The following FHIT variants were observed in gnomAD, a reference collection of about 807,000 sequenced individuals.
FHIT encodes bis(5'-adenosyl)-triphosphatase.
In FHIT, 19 loss-of-function variants were observed where a neutral mutation model predicts 17.9. The ratio of observed to expected loss-of-function variants is 1.06; its 90% CI spans 0.74 to 1.56. The LOEUF is 1.56. Ranked by LOEUF, FHIT falls within the 40% of genes most tolerant of loss-of-function variation. The probability of loss-of-function intolerance (pLI) is 0.00; values close to 1 mark genes in which losing one functional copy is unlikely to be tolerated. For synonymous variants in FHIT, 81 were observed against 69.7 expected (o/e 1.16, Z -0.81); for missense variants, 248 against 189.2 (o/e 1.31, Z -1.82).
chr3:61,144,700 A>G (rs545622601), intron 2 of FHIT, among the ~76,000 whole-genome samples: 1 of 152,246 alleles, frequency 6.6e-6, no homozygotes, highest in East Asian at 1.9e-4. Context: ...ATCCTCACCA[A>G]CGCTTGTTAT....
At chr3:60,375,753 G>T (rs574687511) in intron 5 of FHIT, among the ~76,000 whole-genome samples, 2 of 152,132 alleles carry the variant, frequency 1.3e-5, no homozygotes, top group Admixed American at 1.3e-4. Flanking sequence ...CACTGGGTCA[G>T]TGCCTGCTCA....
At chr3:60,642,735 C>T (rs1469377453) in intron 4 of FHIT, among the ~76,000 whole-genome samples, 1 of 152,092 alleles carries the variant, frequency 6.6e-6, no homozygotes, top group Non-Finnish European at 1.5e-5. Flanking sequence ...CCCACCTCCC[C>T]CGCTCCAGGG....
At chr3:59,913,703 TGTTTATGAC>T (rs1704994739) in intron 8 of FHIT, among the ~76,000 whole-genome samples, 3 of 152,206 alleles carry the variant, frequency 2.0e-5, no homozygotes, top group Admixed American at 2.0e-4. Context: ...GAACTATAGT[TGTTTATGAC>T]CACTAACCTT....
intron 5 of FHIT, among the ~76,000 whole-genome samples, chr3:60,311,528 G>A (rs944400182): frequency 6.6e-6 from 1 of 152,120 alleles, no homozygotes; most frequent in Non-Finnish European, 1.5e-5. Context: ...TATTCTGAGT[G>A]TATATTAGGC....
At chr3:61,011,273 G>A (rs1162119901) in intron 3 of FHIT, among the ~76,000 whole-genome samples, 1 of 152,130 alleles carries the variant, frequency 6.6e-6, no homozygotes, top group Non-Finnish European at 1.5e-5. Flanking sequence ...TTGTAGAAAC[G>A]TAGGTGCAAA....
intron 8 of FHIT, among the ~76,000 whole-genome samples, chr3:59,776,568 G>A (rs1397780543): frequency 8.5e-5 from 13 of 152,102 alleles, no homozygotes; most frequent in Admixed American, 7.9e-4. Flanking sequence ...GAGACTCCTC[G>A]GGGTTTGAAA....
chr3:60,347,004 ATATAT>A (rs1490052026), intron 5 of FHIT, among the ~76,000 whole-genome samples: 5 of 149,852 alleles, frequency 3.3e-5, no homozygotes, highest in South Asian at 2.2e-4. Flanking sequence ...TACATGGGAA[ATATAT>A]TATCTTATGA....
intron 4 of FHIT, among the ~76,000 whole-genome samples, chr3:60,675,110 G>C (rs782350193): frequency 2.6e-4 from 39 of 152,180 alleles, no homozygotes; most frequent in Non-Finnish European, 5.1e-4. Context: ...TTGTCTCAAG[G>C]GTCACAGCCC....
At chr3:61,205,530 G>C (rs1275367497) in intron 1 of FHIT, among the ~76,000 whole-genome samples, 3 of 152,130 alleles carry the variant, frequency 2.0e-5, no homozygotes, top group Non-Finnish European at 2.9e-5. Context: ...GGTGTGAGAT[G>C]GTATCTCATT....
intron 3 of FHIT, among the ~76,000 whole-genome samples, chr3:60,893,373 A>G (rs1164767974): frequency 2.6e-5 from 4 of 152,228 alleles, no homozygotes; most frequent in African/African-American, 9.6e-5. Context: ...TATTAAATAC[A>G]TTTGTATGCT....
At chr3:60,033,090 A>G (rs1336987626) in intron 5 of FHIT, among the ~76,000 whole-genome samples, 1 of 152,218 alleles carries the variant, frequency 6.6e-6, no homozygotes, top group Non-Finnish European at 1.5e-5. Context: ...ATAACCTAAT[A>G]TAAGGTGTGG....
chr3:60,410,918 T>G (rs1367564742), intron 5 of FHIT, among the ~76,000 whole-genome samples: 1 of 152,114 alleles, frequency 6.6e-6, no homozygotes, highest in Non-Finnish European at 1.5e-5. Context: ...GAACTTAAAG[T>G]TTTGGTCTTT....
chr3:59,954,196 C>T (rs905510537), intron 7 of FHIT, among the ~76,000 whole-genome samples: 4 of 142,652 alleles, frequency 2.8e-5, no homozygotes, highest in Admixed American at 2.1e-4. Flanking sequence ...GGGAACCCAG[C>T]ATTTTTCAGA....
intron 4 of FHIT, among the ~76,000 whole-genome samples, chr3:60,583,618 A>G (rs2037816787): frequency 6.6e-6 from 1 of 152,040 alleles, no homozygotes; most frequent in African/African-American, 2.4e-5. Context: ...TTCTTTTTCA[A>G]CCATTCAAAA....
rs184074262 is a variant in FHIT, at chr3:60,861,074, T to C, written c.-110-39063A>G. 6.9e-3 allele frequency among the ~76,000 whole-genome samples: 665 copies of C among 96,988 alleles called. 60 individuals carry two copies. The highest frequency in any genetic ancestry group is 0.022 in the African/African-American group (614 of 27,532). The allele number at this position is 96,988 out of a possible 152,430, so 63.6% of individuals were successfully genotyped here. ...TCATATATATCATGTGTATATATGA[T>C]GTACGTCATATATATCAGATATCAT... On this transcript the variant is annotated intron_variant, in intron 3 of 9. Coordinates refer to ENST00000492590, the MANE Select transcript of FHIT (RefSeq NM_002012.4).
At chr3:60,548,081 A>C (rs1489638135) in intron 4 of FHIT, among the ~76,000 whole-genome samples, 1 of 152,010 alleles carries the variant, frequency 6.6e-6, no homozygotes, top group African/African-American at 2.4e-5. Context: ...TGGTGGGCAC[A>C]ATCTAATCAG....
At chr3:61,175,780 C>A (rs1226038202) in intron 2 of FHIT, among the ~76,000 whole-genome samples, 1 of 152,180 alleles carries the variant, frequency 6.6e-6, no homozygotes, top group Non-Finnish European at 1.5e-5. Flanking sequence ...GAGAGCAGCC[C>A]TCAACAGACA....
intron 2 of FHIT, among the ~76,000 whole-genome samples, chr3:61,120,515 A>C (rs1441059864): frequency 6.6e-5 from 10 of 152,156 alleles, no homozygotes; most frequent in Admixed American, 2.0e-4. Flanking sequence ...AGTGTACATC[A>C]TCCCTTGGCA....
At chr3:60,363,866 G>A (rs1256340103) in intron 5 of FHIT, among the ~76,000 whole-genome samples, 1 of 152,080 alleles carries the variant, frequency 6.6e-6, no homozygotes, top group African/African-American at 2.4e-5. Context: ...TTCCTGGAAG[G>A]TCACCTCAGT....
Sources: gnomAD v4.1 joint callset for allele counts (sites outside exome capture counted in the v4.1 genomes callset) on GRCh38, gnomAD v4.1.1 for gene constraint, MANE v1.5 for transcripts, NCBI Gene and HGNC (gene_info 2026-07-23, HGNC 2026-07-21) for gene names.